Variants in SP4 observed in about 807,000 individuals in gnomAD.
SP4 encodes transcription factor Sp4.
In SP4, 19 loss-of-function variants were observed where a neutral mutation model predicts 72.8. That is an observed-to-expected ratio of 0.26 (90% CI 0.18 to 0.38). The LOEUF (loss-of-function observed/expected upper bound fraction) is 0.38. SP4 is among the 10% of genes least tolerant of loss of function. The pLI, the probability that SP4 is intolerant of heterozygous loss-of-function variation, is 1.00. For missense variants in SP4, 1,008 were observed against 926.3 expected (o/e 1.09, Z -1.14); for synonymous variants, 395 against 333.1 (o/e 1.19, Z -2.02).
At chr7:21,437,931 A>G (rs1783101468) in intron 3 of SP4, among the ~76,000 whole-genome samples, 1 of 152,186 alleles carries the variant, frequency 6.6e-6, no homozygotes, top group Non-Finnish European at 1.5e-5. Flanking sequence ...CGTACTAGCA[A>G]TAATCAAAGA....
At chr7:21,507,128 C>G (rs1408484884) in intron 5 of SP4, among the ~76,000 whole-genome samples, 2 of 152,134 alleles carry the variant, frequency 1.3e-5, no homozygotes, top group Non-Finnish European at 2.9e-5. Context: ...AGAGCTGTAT[C>G]CTAGGAATTG....
intron 3 of SP4, among the ~76,000 whole-genome samples, chr7:21,439,050 G>A (rs1389837367): frequency 6.6e-6 from 1 of 152,124 alleles, no homozygotes; most frequent in Non-Finnish European, 1.5e-5. Context: ...AAAACAATAT[G>A]TATAGGGTTC....
intron 5 of SP4, among the ~76,000 whole-genome samples, chr7:21,505,302 A>G (rs1407606875): frequency 6.6e-6 from 1 of 152,114 alleles, no homozygotes; most frequent in African/African-American, 2.4e-5. Flanking sequence ...TTTTTCTGCA[A>G]ACTGCAGTTT....
At chr7:21,454,352 T>A (rs2128399750) in intron 3 of SP4, among the ~76,000 whole-genome samples, 1 of 88,104 alleles carries the variant, frequency 1.1e-5, no homozygotes, top group East Asian at 3.8e-4. Context: ...TCCCTTTTAC[T>A]AACTTTTTTT....
intron 3 of SP4, among the ~76,000 whole-genome samples, chr7:21,433,488 A>G (rs1389208513): frequency 6.6e-6 from 1 of 152,260 alleles, no homozygotes; most frequent in Non-Finnish European, 1.5e-5. Context: ...CCCATTGCCT[A>G]GCTTAGTAGG....
intron 3 of SP4, among the ~76,000 whole-genome samples, chr7:21,463,041 G>A (rs1583409912): frequency 6.6e-6 from 1 of 151,656 alleles, no homozygotes; most frequent in South Asian, 2.1e-4. Flanking sequence ...GTGGCAAGAG[G>A]CTATCATATT....
At chr7:21,447,242 T>G (rs919946941) in intron 3 of SP4, among the ~76,000 whole-genome samples, 1 of 152,224 alleles carries the variant, frequency 6.6e-6, no homozygotes, top group African/African-American at 2.4e-5. Flanking sequence ...ATAGAGCTCT[T>G]CTGTTCAATA....
chr7:21,492,082 T>A (rs1784993284), intron 5 of SP4, among the ~76,000 whole-genome samples: 1 of 152,184 alleles, frequency 6.6e-6, no homozygotes, highest in Non-Finnish European at 1.5e-5. Context: ...TTAAAAAAAA[T>A]TAACATTGTC....
intron 5 of SP4, among the ~76,000 whole-genome samples, chr7:21,497,292 G>A (rs1382336161): frequency 3.8e-5 from 1 of 26,258 alleles, no homozygotes; most frequent in East Asian, 3.7e-4. Flanking sequence ...CCCTCTAGTG[G>A]CTGCCAGATG....
chr7:21,428,763 A>C lies in SP4; in HGVS notation c.94A>C (p.Asn32His). Reference sequence around the variant, plus strand: ...GAAAACCTCTGAGCCAGAGAATAACAATAAAAAACCCAAAACCTCAGGCTC... The same window carrying C: ...GAAAACCTCTGAGCCAGAGAATAACCATAAAAAACCCAAAACCTCAGGCTC... ...GGKTSEPENNNKKPKTSGSQD... is the reference protein window; with the variant it reads ...GGKTSEPENNHKKPKTSGSQD... The change falls in exon 2 of 6, where the codon AAT becomes CAT. Residue 32 changes from asparagine to histidine, a missense_variant. Asn to His is a moderately conservative substitution (Grantham distance 68, BLOSUM62 1). Transcript: ENST00000222584. 1 of 1,551,884 alleles carries C rather than the reference A, an allele frequency of 6.4e-7. No homozygotes were observed. The highest frequency in any genetic ancestry group is 8.7e-7 in the Non-Finnish European group (1 of 1,147,262).
chr7:21,437,693 A>C (rs1471871294), intron 3 of SP4, among the ~76,000 whole-genome samples: 1 of 152,220 alleles, frequency 6.6e-6, no homozygotes, highest in African/African-American at 2.4e-5. Flanking sequence ...AGGGAATTAC[A>C]TACCTACAAG....
At chr7:21,428,583 G>T in intron 1 of SP4, 94 bp from the exon 2 acceptor site, 2 of 1,245,440 alleles carry the variant, frequency 1.6e-6, no homozygotes, top group South Asian at 1.5e-5. Flanking sequence ...ATTAATGTTC[G>T]GGGGGAGGGG....
intron 5 of SP4, among the ~76,000 whole-genome samples, chr7:21,508,757 G>A (rs1318091311): frequency 6.6e-6 from 1 of 151,436 alleles, no homozygotes; most frequent in Non-Finnish European, 1.5e-5. Context: ...GCCAACTGTG[G>A]CTTGGCATAG....
Position 21,429,422 on chromosome 7 carries a change from A to G in SP4, c.257A>G (p.Gln86Arg). ...CAAGGATTGGTGCAACTTCAAAATCAACCACAACAGCTAGAACTGGTAACA... is the reference window on the plus strand; with the variant it reads ...CAAGGATTGGTGCAACTTCAAAATCGACCACAACAGCTAGAACTGGTAACA... Reference protein sequence around the residue: ...PSQGLVQLQNQPQQLELVTTQ... With the variant: ...PSQGLVQLQNRPQQLELVTTQ... Residue 86 changes from glutamine to arginine, a missense_variant, in exon 3 of 6, where the codon CAA becomes CGA. By Grantham distance (43) the Gln-to-Arg change is conservative. Transcript: ENST00000222584. 6.2e-7 allele frequency: 1 copy of G among 1,614,164 alleles called. No individual in the cohort carries two copies. Among genetic ancestry groups the G allele is most frequent in the Non-Finnish European group, 8.5e-7 (1 of 1,180,028 alleles).
intron 5 of SP4, among the ~76,000 whole-genome samples, chr7:21,498,963 C>T (rs1231673088): frequency 6.6e-6 from 1 of 151,586 alleles, no homozygotes; most frequent in Non-Finnish European, 1.5e-5. Flanking sequence ...GCCTGTAGTC[C>T]CAGCTATTCG....
chr7:21,430,386 C>A lies in SP4; in HGVS notation c.1221C>A (p.Ile407=). ...QIVGQPILQQ[I]QIQQPQQQII... The stretch of plus-strand genomic sequence containing the variant: ...TAGGCCAACCTATCTTACAGCAGAT[C>A]CAGATCCAACAGCCTCAGCAACAGA... The change falls in exon 3 of 6, where the codon ATC becomes ATA. Residue 407 remains isoleucine, a synonymous_variant. Transcript: ENST00000222584. The A allele has an allele frequency of 6.2e-7, 1 of 1,614,182 alleles. No individual in the cohort carries two copies. The highest frequency in any genetic ancestry group is 8.5e-7 in the Non-Finnish European group (1 of 1,180,026).
chr7:21,470,722 A>C (rs1784308985), intron 3 of SP4, among the ~76,000 whole-genome samples: 1 of 143,058 alleles, frequency 7.0e-6, no homozygotes, highest in African/African-American at 2.6e-5. Context: ...GTCCCCCTCC[A>C]TTACCTTGGC....
intron 3 of SP4, among the ~76,000 whole-genome samples, chr7:21,467,216 C>T (rs1180549601): frequency 6.6e-6 from 1 of 152,070 alleles, no homozygotes; most frequent in Non-Finnish European, 1.5e-5. Context: ...CCAAAAATGT[C>T]TCCAGACATT....
At chr7:21,444,561 C>A (rs540426887) in intron 3 of SP4, among the ~76,000 whole-genome samples, 7 of 152,128 alleles carry the variant, frequency 4.6e-5, no homozygotes, top group Non-Finnish European at 7.4e-5. Context: ...CCACTTACTG[C>A]CCTGAATTGT....
Sources: gnomAD v4.1 joint callset for allele counts (sites outside exome capture counted in the v4.1 genomes callset) on GRCh38, gnomAD v4.1.1 for gene constraint, MANE v1.5 for transcripts, NCBI Gene and HGNC (gene_info 2026-07-23, HGNC 2026-07-21) for gene names.